The following ST6GALNAC5 variants were observed in gnomAD, a reference collection of about 807,000 sequenced individuals.
ST6GALNAC5 encodes ST6 N-acetylgalactosaminide alpha-2,6-sialyltransferase 5.
In ST6GALNAC5, 27 loss-of-function variants were observed where a neutral mutation model predicts 33.6. The ratio of observed to expected loss-of-function variants is 0.80; its 90% CI spans 0.59 to 1.11. ST6GALNAC5 has a LOEUF of 1.11. ST6GALNAC5 is among the 50% of genes least tolerant of loss of function. ST6GALNAC5 has a pLI of 0.00. For missense variants in ST6GALNAC5, 428 were observed against 454.0 expected (o/e 0.94, Z 0.52); for synonymous variants, 194 against 171.2 (o/e 1.13, Z -1.04).
intron 2 of ST6GALNAC5, among the ~76,000 whole-genome samples, chr1:76,892,241 CTA>C (rs1282005178): frequency 6.6e-6 from 1 of 152,226 alleles, no homozygotes; most frequent in African/African-American, 2.4e-5. Context: ...GAAAAAAAGA[CTA>C]TACCTCTTTT....
At chr1:76,908,747 TTCCTG>T (rs1646886211) in intron 2 of ST6GALNAC5, among the ~76,000 whole-genome samples, 1 of 152,074 alleles carries the variant, frequency 6.6e-6, no homozygotes, top group Non-Finnish European at 1.5e-5. Context: ...AACCGCAGGG[TTCCTG>T]TCTTTCTTGT....
chr1:76,892,742 G>C (rs544380880), intron 2 of ST6GALNAC5, among the ~76,000 whole-genome samples: 1 of 152,260 alleles, frequency 6.6e-6, no homozygotes, highest in Non-Finnish European at 1.5e-5. Context: ...CCTATATCTG[G>C]AGTCCTTTAA....
intron 2 of ST6GALNAC5, among the ~76,000 whole-genome samples, chr1:76,936,837 T>A (rs185168262): frequency 6.6e-6 from 1 of 151,918 alleles, no homozygotes; most frequent in Non-Finnish European, 1.5e-5. Flanking sequence ...GGAAGGAGCA[T>A]TGGACTTTGG....
At chr1:76,909,877 A>G (rs1227698981) in intron 2 of ST6GALNAC5, among the ~76,000 whole-genome samples, 1 of 152,226 alleles carries the variant, frequency 6.6e-6, no homozygotes, top group South Asian at 2.1e-4. Context: ...TTACAACTCC[A>G]TAGAGTTGTC....
At chr1:76,960,760 A>G (rs1648200493) in intron 2 of ST6GALNAC5, among the ~76,000 whole-genome samples, 1 of 152,304 alleles carries the variant, frequency 6.6e-6, no homozygotes, top group East Asian at 1.9e-4. Context: ...AAGAAGAGAA[A>G]TATGGCTCTG....
At chr1:76,901,282 C>T (rs74811270) in intron 2 of ST6GALNAC5, among the ~76,000 whole-genome samples, 2,764 of 152,300 alleles carry the variant, frequency 0.018, 86 homozygotes, top group African/African-American at 0.062. Context: ...TACTGTACAT[C>T]ACAACATGCT....
At chr1:77,055,403 A>G (rs1652358889) in intron 4 of ST6GALNAC5, among the ~76,000 whole-genome samples, 1 of 152,278 alleles carries the variant, frequency 6.6e-6, no homozygotes. Flanking sequence ...TTAATGGCTG[A>G]TATTTGTTGT....
At chr1:76,956,832 G>A (rs1445578540) in intron 2 of ST6GALNAC5, among the ~76,000 whole-genome samples, 1 of 152,124 alleles carries the variant, frequency 6.6e-6, no homozygotes, top group Non-Finnish European at 1.5e-5. Flanking sequence ...GGAGGAGGGA[G>A]GGAAATGATT....
intron 2 of ST6GALNAC5, among the ~76,000 whole-genome samples, chr1:77,035,462 CA>C (rs1338564317): frequency 6.6e-6 from 1 of 152,032 alleles, no homozygotes; most frequent in Non-Finnish European, 1.5e-5. Context: ...GAGAGGTACC[CA>C]AATTTTGCTA....
rs533114275 is a variant in ST6GALNAC5 at position 77,067,503 on chromosome 1, A to T, written c.*4297A>T. 2.0e-5 allele frequency among the ~76,000 whole-genome samples: 3 copies of T among 152,310 alleles called. No individual in the cohort carries two copies. In the South Asian group the frequency reaches 6.2e-4, roughly 32 times the overall value. On this transcript the variant is annotated 3_prime_UTR_variant, in exon 5 of 5. Transcript: ENST00000477717. ...ATACCTAGTATAGTGCCTTGCACAC[A>T]ATAGGTGCTCAATAAATGTCTGTTG... is the stretch of plus-strand genomic sequence containing the variant.
At chr1:76,874,438 T>C (rs972682024) in intron 2 of ST6GALNAC5, among the ~76,000 whole-genome samples, 1 of 152,102 alleles carries the variant, frequency 6.6e-6, no homozygotes, top group African/African-American at 2.4e-5. Flanking sequence ...TATTATATTA[T>C]ATATATGGGA....
intron 2 of ST6GALNAC5, among the ~76,000 whole-genome samples, chr1:77,023,008 G>A (rs549805134): frequency 2.6e-5 from 4 of 152,294 alleles, no homozygotes; most frequent in African/African-American, 9.6e-5. Flanking sequence ...AAGTTGAAAT[G>A]AGACCTTTAG....
At chr1:77,027,993 G>A (rs1651310790) in intron 2 of ST6GALNAC5, among the ~76,000 whole-genome samples, 1 of 152,200 alleles carries the variant, frequency 6.6e-6, no homozygotes, top group African/African-American at 2.4e-5. Flanking sequence ...TCAGCCCCGA[G>A]TGCAACTAAA....
At chr1:76,962,178 A>C (rs1441856145) in intron 2 of ST6GALNAC5, among the ~76,000 whole-genome samples, 1 of 152,212 alleles carries the variant, frequency 6.6e-6, no homozygotes, top group Non-Finnish European at 1.5e-5. Flanking sequence ...AGATGGAATA[A>C]CTAAGATGAA....
At chr1:76,943,977 A>C (rs1216263992) in intron 2 of ST6GALNAC5, among the ~76,000 whole-genome samples, 3 of 152,094 alleles carry the variant, frequency 2.0e-5, no homozygotes, top group African/African-American at 7.2e-5. Flanking sequence ...GTTTGTGCAC[A>C]TAGGGTTCCC....
At chr1:77,044,144 G>C in intron 2 of ST6GALNAC5, 60 bp from the exon 3 acceptor site, 1 of 1,514,808 alleles carries the variant, frequency 6.6e-7, no homozygotes, top group Non-Finnish European at 8.9e-7. Flanking sequence ...TAGCCTGCTG[G>C]TGCTGAGTGA....
chr1:77,029,537 C>T (rs1206058865), intron 2 of ST6GALNAC5, among the ~76,000 whole-genome samples: 1 of 152,158 alleles, frequency 6.6e-6, no homozygotes, highest in African/African-American at 2.4e-5. Context: ...TGCTCCTGTT[C>T]CATTAGGAGG....
chr1:76,904,223 C>T (rs1457178679), intron 2 of ST6GALNAC5, among the ~76,000 whole-genome samples: 1 of 152,052 alleles, frequency 6.6e-6, no homozygotes, highest in Non-Finnish European at 1.5e-5. Flanking sequence ...AAGTCTACTA[C>T]ACATGTCTGC....
At chr1:76,951,780 A>G (rs920913168) in intron 2 of ST6GALNAC5, among the ~76,000 whole-genome samples, 3 of 152,146 alleles carry the variant, frequency 2.0e-5, no homozygotes, top group Non-Finnish European at 4.4e-5. Flanking sequence ...AATTCCATGT[A>G]CCCAATCGTT....
Sources: gnomAD v4.1 joint callset for allele counts (sites outside exome capture counted in the v4.1 genomes callset) on GRCh38, gnomAD v4.1.1 for gene constraint, MANE v1.5 for transcripts, NCBI Gene and HGNC (gene_info 2026-07-23, HGNC 2026-07-21) for gene names.